Variants in MGAM2 observed in about 807,000 individuals in gnomAD.
MGAM2 encodes the protein maltase-glucoamylase 2 (putative), also known as probable maltase-glucoamylase 2.
A neutral mutation model predicts 96.1 loss-of-function variants in MGAM2; 98 were observed. The observed-to-expected ratio is 1.02, with a 90% confidence interval of 0.87 to 1.21. The LOEUF (loss-of-function observed/expected upper bound fraction) is 1.21, where lower values mean the gene tolerates loss of function less well. Ranked by LOEUF, MGAM2 falls within the 50% of genes most tolerant of loss-of-function variation. MGAM2 has a pLI of 0.00. For missense variants in MGAM2, 2,055 were observed against 1,182.4 expected, an observed-to-expected ratio of 1.74 and a Z score of -10.82; for synonymous variants, 749 against 414.8, an observed-to-expected ratio of 1.81 and a Z score of -9.79.
chr7:142,149,232 A>AAAT (rs948376693), intron 15 of MGAM2, among the ~76,000 whole-genome samples: 3 of 151,324 alleles, frequency 2.0e-5, no homozygotes, highest in Admixed American at 6.6e-5. Context: ...TCCGTCTCAA[A>AAAT]AAAAAAATAA....
At chr7:142,170,604 A>C (rs953829435) in intron 27 of MGAM2, among the ~76,000 whole-genome samples, 2 of 152,204 alleles carry the variant, frequency 1.3e-5, no homozygotes, top group African/African-American at 4.8e-5. Context: ...AAGGTTAAAA[A>C]GGAGAAAGAA....
At chr7:142,202,409 G>A (rs549711393) in intron 45 of MGAM2, among the ~76,000 whole-genome samples, 3 of 152,078 alleles carry the variant, frequency 2.0e-5, no homozygotes, top group Middle Eastern at 3.2e-3. Flanking sequence ...TATGGATCCC[G>A]TCACCCAGGC....
intron 3 of MGAM2, among the ~76,000 whole-genome samples, chr7:142,127,406 T>C (rs1009892615): frequency 3.3e-5 from 5 of 152,190 alleles, no homozygotes; most frequent in Admixed American, 1.3e-4. Context: ...TTTTTAAAGT[T>C]TTTTTCATAA....
intron 31 of MGAM2, among the ~76,000 whole-genome samples, chr7:142,174,994 C>T (rs1001334854): frequency 6.6e-6 from 1 of 152,144 alleles, no homozygotes; most frequent in Non-Finnish European, 1.5e-5. Context: ...GCTGAGATTA[C>T]AGGCGTGAGC....
chr7:142,197,996 G>A, intron 42 of MGAM2, 143 bp from the exon 43 acceptor site: 4 of 584,174 alleles, frequency 6.8e-6, no homozygotes, highest in South Asian at 6.8e-5. Flanking sequence ...AATTTTTCAG[G>A]ATTTTTCTTA....
At chr7:142,149,592 G>A (rs905537467) in intron 15 of MGAM2, among the ~76,000 whole-genome samples, 1 of 151,948 alleles carries the variant, frequency 6.6e-6, no homozygotes, top group Admixed American at 6.5e-5. Flanking sequence ...CCAGGCTGGA[G>A]TGCAGTGGTG....
intron 45 of MGAM2, among the ~76,000 whole-genome samples, chr7:142,206,323 G>T (rs566257897): frequency 1.3e-5 from 2 of 152,064 alleles, no homozygotes; most frequent in Non-Finnish European, 2.9e-5. Context: ...TTATTTTGTG[G>T]TGGTGGCTGG....
intron 3 of MGAM2, among the ~76,000 whole-genome samples, chr7:142,125,687 T>C (rs1005740160): frequency 2.0e-5 from 3 of 152,190 alleles, no homozygotes; most frequent in South Asian, 2.1e-4. Context: ...ATAATAGGTA[T>C]GAAGCACTGA....
chr7:142,180,571 A>G (rs757608425), intron 32 of MGAM2, among the ~76,000 whole-genome samples: 5 of 152,154 alleles, frequency 3.3e-5, no homozygotes, highest in Non-Finnish European at 5.9e-5. Flanking sequence ...TTAAATTCAC[A>G]TGTTGAACTC....
At chr7:142,144,971 C>T (rs745737258) in intron 14 of MGAM2, 26 bp downstream of exon 14, 21 of 701,874 alleles carry the variant, frequency 3.0e-5, no homozygotes, top group South Asian at 8.9e-5. Context: ...TTTGCTATGA[C>T]GTAGGAATAA....
At chr7:142,165,161 A>G in intron 24 of MGAM2, 138 bp downstream of exon 24, 1 of 511,724 alleles carries the variant, frequency 2.0e-6, no homozygotes, top group Non-Finnish European at 3.4e-6. Flanking sequence ...GAAAGGATGC[A>G]GGAGAAACGT....
rs952089347 is a variant in MGAM2 at position 142,137,131 on chromosome 7, G to A, written c.848-302G>A. On this transcript the variant is annotated intron_variant, in intron 8 of 47. Coordinates refer to ENST00000477922, the MANE Select transcript of MGAM2 (RefSeq NM_001293626.2). Reference sequence around the variant, plus strand: ...ACTCATCTAATAAAATTTTTATAACGTTTTTTGAGTGAAGCTACTCGCAAA... The same window carrying A: ...ACTCATCTAATAAAATTTTTATAACATTTTTTGAGTGAAGCTACTCGCAAA... Among the ~76,000 whole-genome samples the A allele has an allele frequency of 1.7e-4, 25 of 150,476 alleles. 1 individual carries two copies. The highest frequency in any genetic ancestry group is 5.6e-4 in the African/African-American group (23 of 40,894).
In MGAM2 at chr7:142,220,006, C is replaced by T. The variant is rs775383046; in HGVS notation, c.5495C>T (p.Ser1832Phe). The change falls in exon 48 of 48, where the codon TCT (serine) becomes TTT (phenylalanine). Residue 1832 changes from serine to phenylalanine, a missense_variant. Coordinates refer to ENST00000477922, the MANE Select transcript of MGAM2 (RefSeq NM_001293626.2). ...CCAATGAGTTCTCATCCTTCTCCAT[C>T]TACTACCAATGCCACCAGTTCTGAG... ...TIPMSSHPSP[S>F]TTNATSSETI... The T allele has an allele frequency of 8.5e-6, 6 of 702,826 alleles. No homozygotes were observed. In the South Asian group the frequency reaches 8.9e-5, roughly 10 times the overall value. 43.5% of individuals were successfully genotyped at this position (702,826 alleles called of 1,614,324 possible). A position where few individuals can be genotyped will look rare whatever the true frequency, so the allele number is the denominator to read the frequency against.
At chr7:142,153,454 A>T (rs576258813) in intron 15 of MGAM2, among the ~76,000 whole-genome samples, 2 of 152,344 alleles carry the variant, frequency 1.3e-5, no homozygotes, top group Non-Finnish European at 2.9e-5. Context: ...TATTTTGCAT[A>T]GATTAAAATT....
chr7:142,143,441 C>G (rs1795292880), intron 12 of MGAM2, among the ~76,000 whole-genome samples: 1 of 152,146 alleles, frequency 6.6e-6, no homozygotes, highest in Non-Finnish European at 1.5e-5. Flanking sequence ...AGTTCATTCT[C>G]TTGAAAAATA....
At chr7:142,194,362 A>G (rs1046796482) in intron 37 of MGAM2, among the ~76,000 whole-genome samples, 1 of 152,076 alleles carries the variant, frequency 6.6e-6, no homozygotes, top group Non-Finnish European at 1.5e-5. Flanking sequence ...AGTGAAAGGA[A>G]CCAAGTTTAA....
At chr7:142,169,409 A>C (rs1306340462) in intron 26 of MGAM2, among the ~76,000 whole-genome samples, 1 of 152,144 alleles carries the variant, frequency 6.6e-6, no homozygotes, top group Non-Finnish European at 1.5e-5. Context: ...CGACAGAGTG[A>C]GAATCCATCT....
chr7:142,169,939 A>G, intron 26 of MGAM2, 136 bp from the exon 27 acceptor site: 1 of 539,962 alleles, frequency 1.9e-6, no homozygotes, highest in East Asian at 3.0e-5. Context: ...CCTCACATCC[A>G]TTCGCTTGGG....
In MGAM2 at chr7:142,222,314, T is replaced by C; in HGVS notation, c.*255T>C. On this transcript the variant is annotated 3_prime_UTR_variant, in exon 48 of 48. Coordinates refer to ENST00000477922, the MANE Select transcript of MGAM2 (RefSeq NM_001293626.2). Reference sequence around the variant, plus strand: ...ATTTTGCAACCATAGTATGTGCTCTTATTCTTTTAAATTATAGTTATTACT... The same window carrying C: ...ATTTTGCAACCATAGTATGTGCTCTCATTCTTTTAAATTATAGTTATTACT... 6.1e-6 allele frequency: 2 copies of C among 327,074 alleles called. No homozygotes were observed. Among genetic ancestry groups the C allele is most frequent in the Non-Finnish European group, 1.1e-5 (2 of 180,466 alleles). 20.3% of individuals were successfully genotyped at this position (327,074 alleles called of 1,614,324 possible). A position where few individuals can be genotyped will look rare whatever the true frequency, so the allele number is the denominator to read the frequency against.
Sources: allele counts gnomAD v4.1 joint callset (sites outside exome capture counted in the v4.1 genomes callset), GRCh38; gene constraint gnomAD v4.1.1; transcripts MANE v1.5; gene names NCBI Gene and HGNC (gene_info 2026-07-23, HGNC 2026-07-21).